Variants in GRIK2 observed in about 807,000 individuals in gnomAD.
GRIK2 encodes glutamate ionotropic receptor kainate type subunit 2.
A neutral mutation model predicts 100.3 loss-of-function variants in GRIK2; 32 were observed. The observed-to-expected ratio is 0.32, with a 90% CI of 0.24 to 0.43. GRIK2 has a LOEUF of 0.43. GRIK2 is among the 20% of genes least tolerant of loss of function. The probability of loss-of-function intolerance (pLI) is 1.00; values close to 1 mark genes in which losing one functional copy is unlikely to be tolerated. For synonymous variants in GRIK2, 417 were observed against 389.4 expected (o/e 1.07, Z -0.83); for missense variants, 843 against 1,114.9 (o/e 0.76, Z 3.47).
intron 2 of GRIK2, among the ~76,000 whole-genome samples, chr6:101,621,349 A>T (rs62421384): frequency 6.6e-6 from 1 of 151,954 alleles, no homozygotes; most frequent in African/African-American, 2.4e-5. Flanking sequence ...ACTACTGGGG[A>T]GGCTGAGGTG....
At chr6:102,057,603 C>G (rs1024423079) in intron 16 of GRIK2, among the ~76,000 whole-genome samples, 1 of 151,928 alleles carries the variant, frequency 6.6e-6, no homozygotes, top group Non-Finnish European at 1.5e-5. Flanking sequence ...GTGGATATTA[C>G]ATGAGCATTA....
chr6:102,030,292 G>A (rs748205339), intron 14 of GRIK2, among the ~76,000 whole-genome samples: 6 of 151,080 alleles, frequency 4.0e-5, no homozygotes, highest in Admixed American at 2.7e-4. Flanking sequence ...TGAAACATCC[G>A]CCATTGGCAT....
intron 2 of GRIK2, among the ~76,000 whole-genome samples, chr6:101,538,754 T>C (rs775499301): frequency 6.6e-6 from 1 of 151,864 alleles, no homozygotes; most frequent in South Asian, 2.1e-4. Context: ...TTTGTGAATA[T>C]GTGACTGTGT....
intron 11 of GRIK2, among the ~76,000 whole-genome samples, chr6:101,870,923 A>C (rs1348688053): frequency 6.6e-6 from 1 of 151,912 alleles, no homozygotes; most frequent in Non-Finnish European, 1.5e-5. Flanking sequence ...CGTGTTCTGA[A>C]AAACAGGGTA....
chr6:101,648,643 A>T (rs979700889), intron 4 of GRIK2, among the ~76,000 whole-genome samples: 1 of 152,106 alleles, frequency 6.6e-6, no homozygotes, highest in African/African-American at 2.4e-5. Flanking sequence ...TAAACTAAAG[A>T]TTGAATTCAA....
chr6:101,600,431 G>T (rs1779155540), intron 2 of GRIK2, among the ~76,000 whole-genome samples: 2 of 151,678 alleles, frequency 1.3e-5, no homozygotes, highest in South Asian at 2.1e-4. Context: ...TTCTAGTTTT[G>T]TAAAAAAATG....
chr6:101,596,884 A>G (rs1316463712), intron 2 of GRIK2, among the ~76,000 whole-genome samples: 1 of 151,862 alleles, frequency 6.6e-6, no homozygotes, highest in East Asian at 1.9e-4. Context: ...CAATCGCATT[A>G]CAGGCTATAT....
chr6:101,964,074 C>T (rs2128483586), intron 14 of GRIK2, among the ~76,000 whole-genome samples: 1 of 147,454 alleles, frequency 6.8e-6, no homozygotes, highest in South Asian at 2.2e-4. Context: ...AAAAAAAATA[C>T]ATATAATTTG....
intron 2 of GRIK2, among the ~76,000 whole-genome samples, chr6:101,610,890 G>T (rs1779643362): frequency 6.6e-6 from 1 of 151,602 alleles, no homozygotes; most frequent in African/African-American, 2.4e-5. Flanking sequence ...TGTTATCTCA[G>T]TTTGATCAGT....
intron 7 of GRIK2, among the ~76,000 whole-genome samples, chr6:101,772,991 T>C (rs907312825): frequency 3.9e-5 from 6 of 152,028 alleles, no homozygotes; most frequent in African/African-American, 1.4e-4. Flanking sequence ...AACATAAGTG[T>C]TGTTGAATGA....
At chr6:101,493,036 A>G (rs1773225101) in intron 2 of GRIK2, among the ~76,000 whole-genome samples, 1 of 151,986 alleles carries the variant, frequency 6.6e-6, no homozygotes, top group Non-Finnish European at 1.5e-5. Flanking sequence ...GATGACTTCA[A>G]AAGTAGATTT....
chr6:101,468,101 G>A (rs1355914195), intron 2 of GRIK2, among the ~76,000 whole-genome samples: 1 of 152,012 alleles, frequency 6.6e-6, no homozygotes, highest in Non-Finnish European at 1.5e-5. Flanking sequence ...GATAGAGGAA[G>A]AAATCACATC....
chr6:101,572,805 A>ATTG (rs1240043459), intron 2 of GRIK2, among the ~76,000 whole-genome samples: 112 of 69,452 alleles, frequency 1.6e-3, no homozygotes, highest in Middle Eastern at 8.9e-3. Flanking sequence ...TGTTGTTGTT[A>ATTG]TTGTTGTTTA....
intron 1 of GRIK2, chr6:101,398,720 CTCAAGGCGGGCTG>C (rs1350013276): frequency 3.2e-6 from 1 of 307,820 alleles, no homozygotes; most frequent in African/African-American, 2.2e-5. Flanking sequence ...TTTCTTGCAA[CTCAAGGCGGGCTG>C]TCAGATCGGT....
intron 2 of GRIK2, among the ~76,000 whole-genome samples, chr6:101,594,918 A>G (rs138574477): frequency 1.7e-4 from 25 of 151,476 alleles, no homozygotes; most frequent in African/African-American, 5.8e-4. Context: ...ACTTTAAGGG[A>G]GAATAAAGAA....
Position 102,034,447 on chromosome 6 carries a change from G to A in GRIK2, c.2086-894G>A, listed in dbSNP as rs9498813. ...GCAGTATGATGAATATCCTTCCTGT[G>A]TTTGTAACTTCAGGATTATTTTTGG... On this transcript the variant is annotated intron_variant, in intron 14 of 16. Coordinates refer to ENST00000369134, the MANE Select transcript of GRIK2 (RefSeq NM_021956.5). Among the ~76,000 whole-genome samples the A allele has an allele frequency of 3.1e-3, 462 of 151,372 alleles. 2 individuals are homozygous for A. The highest frequency in any genetic ancestry group is 0.011 in the African/African-American group (448 of 41,386).
intron 14 of GRIK2, among the ~76,000 whole-genome samples, chr6:101,969,309 A>G (rs1476254628): frequency 6.6e-6 from 1 of 151,998 alleles, no homozygotes; most frequent in African/African-American, 2.4e-5. Context: ...GTATGCTAGA[A>G]GTTATGTTTA....
chr6:101,810,942 A>C (rs1011665358), intron 9 of GRIK2, among the ~76,000 whole-genome samples: 5 of 152,096 alleles, frequency 3.3e-5, no homozygotes, highest in Non-Finnish European at 7.4e-5. Flanking sequence ...AGAAATAAAC[A>C]GTCCACTAGT....
At chr6:101,395,534 C>A (rs1774967868) in intron 1 of GRIK2, among the ~76,000 whole-genome samples, 1 of 152,032 alleles carries the variant, frequency 6.6e-6, no homozygotes, top group Non-Finnish European at 1.5e-5. Context: ...TTTCTCATAC[C>A]CCAGCAGGTG....
Sources: allele counts gnomAD v4.1 joint callset (sites outside exome capture counted in the v4.1 genomes callset), GRCh38; gene constraint gnomAD v4.1.1; transcripts MANE v1.5; gene names NCBI Gene and HGNC (gene_info 2026-07-23, HGNC 2026-07-21).